MAP3K21: variants seen among roughly 807,000 people sequenced by gnomAD.
MAP3K21 encodes the protein mitogen-activated protein kinase kinase kinase 21.
In MAP3K21, 63 loss-of-function variants were observed where a neutral mutation model predicts 86.1. The ratio of observed to expected loss-of-function variants is 0.73; its 90% CI spans 0.60 to 0.90. MAP3K21 has a LOEUF of 0.90. MAP3K21 is among the 40% of genes least tolerant of loss of function. MAP3K21 has a pLI of 0.00. For synonymous variants in MAP3K21, 558 were observed against 564.8 expected (o/e 0.99, Z 0.17); for missense variants, 1,220 against 1,367.7 (o/e 0.89, Z 1.70).
At chr1:233,361,899 A>C (rs557478060) in intron 4 of MAP3K21, among the ~76,000 whole-genome samples, 154 bp from the exon 5 acceptor site, 14 of 152,306 alleles carry the variant, frequency 9.2e-5, no homozygotes, top group Non-Finnish European at 2.1e-4. Context: ...TGAGGACCTG[A>C]GTGACCAGGG....
intron 4 of MAP3K21, among the ~76,000 whole-genome samples, chr1:233,361,147 A>T (rs1245868625): frequency 6.6e-6 from 1 of 152,258 alleles, no homozygotes; most frequent in African/African-American, 2.4e-5. Context: ...TGAAATAAAA[A>T]TGGGGATATA....
In MAP3K21 at chr1:233,382,518, G is replaced by A. The variant is rs751407474; in HGVS notation, c.2918G>A (p.Cys973Tyr). 2.5e-6 allele frequency: 4 copies of A among 1,614,072 alleles called. No individual in the cohort carries two copies. The African/African-American group carries it at 5.3e-5, about 22-fold the overall frequency. Residue 973 changes from cysteine (C) to tyrosine (Y), a missense_variant, in exon 10 of 10, where the codon TGT becomes TAT. Cys to Tyr is a radical substitution (Grantham distance 194). Transcript: ENST00000366624. ...GTGTCTCAGCTGGCACAGACTGCCT[G>A]TGTAGTGGGTCGCCCAGGACCACAT... Reference protein sequence around the residue: ...TAVSQLAQTACVVGRPGPHPT... With the variant: ...TAVSQLAQTAYVVGRPGPHPT...
At position 233,339,377 on chromosome 1, in the gene MAP3K21, T is replaced by C. The variant is rs1351165180; in HGVS notation, c.806-7065T>C. 4.9e-3 allele frequency among the ~76,000 whole-genome samples: 246 copies of C among 50,502 alleles called. 9 individuals are homozygous for C. Among genetic ancestry groups the C allele is most frequent in the East Asian group, 6.6e-3 (6 of 916 alleles). The allele number at this position is 50,502 out of a possible 152,430, so 33.1% of individuals were successfully genotyped here. ...CTCTTCTCCTTCTCCTCCTTCTCCT[T>C]CTTCTCCTTCTTCTCCTCCTTCTCC... On this transcript the variant is annotated intron_variant, in intron 1 of 9. Transcript: ENST00000366624.
At chr1:233,338,948 T>A (rs1018026557) in intron 1 of MAP3K21, among the ~76,000 whole-genome samples, 1 of 152,166 alleles carries the variant, frequency 6.6e-6, no homozygotes, top group South Asian at 2.1e-4. Flanking sequence ...GCTGAGATTA[T>A]CTAGGGAGTG....
rs1396289488 is a variant in MAP3K21, at chr1:233,379,583, T to C, written c.2577T>C (p.Cys859=). The C allele has an allele frequency of 1.2e-6, 2 of 1,614,164 alleles. No homozygotes were observed. ...TCATGCCAAGACTTGACACTGATTG[T>C]AGTGTATCAAGAAACTTGCCGTCTT... The part of the protein sequence containing the change: ...PALMPRLDTD[C]SVSRNLPSSF... Residue 859 remains cysteine, a synonymous_variant, in exon 9 of 10, where the codon TGT becomes TGC. Coordinates refer to ENST00000366624, the MANE Select transcript of MAP3K21 (RefSeq NM_032435.3).
At chr1:233,339,374 C>CCTTCTT (rs1558451223) in intron 1 of MAP3K21, among the ~76,000 whole-genome samples, 4 of 44,280 alleles carry the variant, frequency 9.0e-5, no homozygotes, top group Non-Finnish European at 1.9e-4. Flanking sequence ...TCCTCCTTCT[C>CCTTCTT]CTTCTTCTCC....
At chr1:233,372,962 A>C (rs935765034) in intron 6 of MAP3K21, 2 of 152,140 alleles carry the variant, frequency 1.3e-5, no homozygotes, top group Non-Finnish European at 2.9e-5. Context: ...GAGAAAAAAA[A>C]AATCCAAAAG....
At chr1:233,338,143 C>A (rs2102759365) in intron 1 of MAP3K21, among the ~76,000 whole-genome samples, 1 of 152,276 alleles carries the variant, frequency 6.6e-6, no homozygotes, top group African/African-American at 2.4e-5. Flanking sequence ...CTCATTAAAA[C>A]TGAGTATACT....
intron 1 of MAP3K21, among the ~76,000 whole-genome samples, chr1:233,336,939 C>T (rs962285107): frequency 1.3e-5 from 2 of 152,166 alleles, no homozygotes; most frequent in Non-Finnish European, 2.9e-5. Flanking sequence ...TGACAGTATG[C>T]CTGATGTATT....
chr1:233,329,964 A>T (rs1662780844), intron 1 of MAP3K21, among the ~76,000 whole-genome samples: 1 of 152,256 alleles, frequency 6.6e-6, no homozygotes, highest in Non-Finnish European at 1.5e-5. Context: ...AATATTGAAG[A>T]TCGCTTCATA....
chr1:233,348,909 A>G (rs1663198161), intron 2 of MAP3K21, among the ~76,000 whole-genome samples: 1 of 152,192 alleles, frequency 6.6e-6, no homozygotes, highest in South Asian at 2.1e-4. Flanking sequence ...AAATCTTTGG[A>G]AACACTAGAA....
intron 1 of MAP3K21, among the ~76,000 whole-genome samples, chr1:233,330,740 C>T (rs920847881): frequency 1.3e-5 from 2 of 152,154 alleles, no homozygotes; most frequent in Non-Finnish European, 2.9e-5. Context: ...AGTTAAAGGG[C>T]CTATAGCTAT....
chr1:233,375,047 T>G (rs141095235), intron 6 of MAP3K21, among the ~76,000 whole-genome samples: 2,218 of 151,984 alleles, frequency 0.015, 30 homozygotes, highest in Middle Eastern at 0.024. Flanking sequence ...GTTCAAGCAA[T>G]TCTCCTGCCT....
chr1:233,381,034 A>G (rs1663903481), intron 9 of MAP3K21, among the ~76,000 whole-genome samples: 1 of 152,188 alleles, frequency 6.6e-6, no homozygotes, highest in African/African-American at 2.4e-5. Context: ...GGTACTTTGG[A>G]AGAATGGGGG....
intron 1 of MAP3K21, among the ~76,000 whole-genome samples, chr1:233,340,988 A>G (rs1362989956): frequency 6.6e-6 from 1 of 152,182 alleles, no homozygotes; most frequent in Non-Finnish European, 1.5e-5. Context: ...GAAAATACCA[A>G]TGTGAAACTT....
intron 1 of MAP3K21, among the ~76,000 whole-genome samples, chr1:233,332,519 T>G (rs1662826908): frequency 6.6e-6 from 1 of 152,128 alleles, no homozygotes; most frequent in African/African-American, 2.4e-5. Context: ...ACATGGAGGT[T>G]TCACTTGGAG....
At chr1:233,367,302 A>G (rs1663596182) in intron 5 of MAP3K21, among the ~76,000 whole-genome samples, 1 of 152,214 alleles carries the variant, frequency 6.6e-6, no homozygotes, top group Admixed American at 6.5e-5. Context: ...TTCATCTGCA[A>G]ATGGAAGCCT....
chr1:233,342,572 T>C lies in MAP3K21; in HGVS notation c.806-3870T>C, dbSNP rs1322753563. On this transcript the variant is annotated intron_variant, in intron 1 of 9. Transcript: ENST00000366624. ...TCCTGCGATTAAAGTAGCTTGTACA[T>C]AGCTTTGTTAGAGAAGTCTTAGGTA... Among the ~76,000 whole-genome samples the C allele has an allele frequency of 2.0e-5, 3 of 152,244 alleles. No individual in the cohort carries two copies. The South Asian group carries it at 6.2e-4, about 31-fold the overall frequency.
At chr1:233,367,249 G>C (rs977686067) in intron 5 of MAP3K21, among the ~76,000 whole-genome samples, 1 of 152,196 alleles carries the variant, frequency 6.6e-6, no homozygotes, top group African/African-American at 2.4e-5. Flanking sequence ...GGATGGGAGA[G>C]AGCATATAAC....
Sources: allele counts gnomAD v4.1 joint callset (sites outside exome capture counted in the v4.1 genomes callset), GRCh38; gene constraint gnomAD v4.1.1; transcripts MANE v1.5; gene names NCBI Gene and HGNC (gene_info 2026-07-23, HGNC 2026-07-21).